MALRD1: variants seen among roughly 807,000 people sequenced by gnomAD.
The protein encoded by MALRD1 is MAM and LDL-receptor class A domain-containing protein 1.
In MALRD1, 247 loss-of-function variants were observed where a neutral mutation model predicts 242.1. That is an observed-to-expected ratio of 1.02 (90% confidence interval 0.92 to 1.13). MALRD1 has a LOEUF of 1.13. Among genes scored for constraint, MALRD1 ranks in the 50% most tolerant of loss-of-function variants. The pLI is 0.00. For synonymous variants in MALRD1, 995 were observed against 866.6 expected, an observed-to-expected ratio of 1.15 and a Z score of -2.60; for missense variants, 2,989 against 2,533.1, an observed-to-expected ratio of 1.18 and a Z score of -3.86.
At chr10:19,149,074 G>GTCCA (rs201885245) in intron 11 of MALRD1, among the ~76,000 whole-genome samples, 3 of 108,338 alleles carry the variant, frequency 2.8e-5, no homozygotes, top group Non-Finnish European at 5.9e-5. Flanking sequence ...CTGTCTATCT[G>GTCCA]TCCATCTATC....
intron 19 of MALRD1, among the ~76,000 whole-genome samples, chr10:19,272,356 G>T (rs762683012): frequency 2.0e-5 from 3 of 151,724 alleles, no homozygotes; most frequent in Admixed American, 1.3e-4. Context: ...ATAAATAAGA[G>T]GATTAGAGTG....
intron 21 of MALRD1, among the ~76,000 whole-genome samples, chr10:19,297,655 A>G (rs546467805): frequency 6.6e-6 from 1 of 151,958 alleles, no homozygotes; most frequent in Non-Finnish European, 1.5e-5. Context: ...TTAAAATGCA[A>G]TTTTATAGCT....
At chr10:19,620,036 T>C (rs543202048) in intron 36 of MALRD1, among the ~76,000 whole-genome samples, 4 of 146,058 alleles carry the variant, frequency 2.7e-5, no homozygotes, top group African/African-American at 8.1e-5. Context: ...AATAATAATA[T>C]ATTGTTTATA....
chr10:19,661,436 CGT>C (rs1252627443), intron 36 of MALRD1, among the ~76,000 whole-genome samples: 1 of 152,070 alleles, frequency 6.6e-6, no homozygotes, highest in African/African-American at 2.4e-5. Context: ...ACATATACAC[CGT>C]GGAATACTAT....
At chr10:19,247,582 A>G (rs1386190138) in intron 18 of MALRD1, among the ~76,000 whole-genome samples, 1 of 151,912 alleles carries the variant, frequency 6.6e-6, no homozygotes, top group African/African-American at 2.4e-5. Context: ...TGTCACATTT[A>G]ATGTTCAACA....
chr10:19,237,730 AATT>A (rs1838422601), intron 18 of MALRD1, among the ~76,000 whole-genome samples: 2 of 118,078 alleles, frequency 1.7e-5, no homozygotes, highest in South Asian at 4.7e-4. Flanking sequence ...ATAAATATAT[AATT>A]ATATATAATT....
intron 21 of MALRD1, among the ~76,000 whole-genome samples, chr10:19,316,320 G>A (rs1842706206): frequency 6.6e-6 from 1 of 151,732 alleles, no homozygotes; most frequent in South Asian, 2.1e-4. Context: ...ATTTTGGAAA[G>A]GACCAATAAA....
At chr10:19,492,659 C>T (rs59498073) in intron 30 of MALRD1, among the ~76,000 whole-genome samples, 6,266 of 152,220 alleles carry the variant, frequency 0.041, 155 homozygotes, top group South Asian at 0.088. Flanking sequence ...TCCCCCGATC[C>T]TCAGGAAAAA....
intron 26 of MALRD1, 70 bp from the exon 27 acceptor site, chr10:19,387,458 A>G (rs927809128): frequency 6.1e-6 from 9 of 1,473,400 alleles, no homozygotes; most frequent in African/African-American, 1.4e-5. Flanking sequence ...ATCCACTCTT[A>G]CTGCTTTTTG....
In MALRD1 at chr10:19,692,867, T is replaced by TTATATATATATATATATATATA. The variant is rs1254775928; in HGVS notation, c.6314+333_6314+334insTATATATATATATATATATATA. 7.3e-3 allele frequency among the ~76,000 whole-genome samples: 215 copies of TTATATATATATATATATATATA among 29,578 alleles called. 1 individual carries two copies. Among genetic ancestry groups the TTATATATATATATATATATATA allele is most frequent in the East Asian group, 0.028 (41 of 1,446 alleles). The allele number at this position is 29,578 out of a possible 152,430, so 19.4% of individuals were successfully genotyped here. A position where few individuals can be genotyped will look rare whatever the true frequency, so the allele number is the denominator to read the frequency against. Reference sequence around the variant, plus strand: ...ATATGAAATTTATATATAGATGAAATTATATATATATATATATATAATTTC... The same window carrying TTATATATATATATATATATATA: ...ATATGAAATTTATATATAGATGAAATTATATATATATATATATATATATATATATATATATATATATAATTTC... On this transcript the variant is annotated intron_variant, in intron 38 of 39. Coordinates refer to ENST00000454679, the MANE Select transcript of MALRD1 (RefSeq NM_001142308.3).
intron 14 of MALRD1, among the ~76,000 whole-genome samples, chr10:19,176,732 G>A (rs12240337): frequency 0.19 from 29,071 of 151,936 alleles, 3,063 homozygotes; most frequent in Admixed American, 0.27. Flanking sequence ...TGTGTATCCT[G>A]CATGCATAAT....
Position 19,665,714 on chromosome 10 carries a change from A to G in MALRD1, c.6138-26568A>G, listed in dbSNP as rs78985308. On this transcript the variant is annotated intron_variant, in intron 36 of 39. Transcript: ENST00000454679. ...TTAACTTCTCTATGCTTTTGCTCTC[A>G]AAGCCGTCAATTACCACTCAGGATT... is the stretch of plus-strand genomic sequence containing the variant. Among the ~76,000 whole-genome samples, 824 of 152,134 alleles carry G rather than the reference A, an allele frequency of 5.4e-3. 8 individuals are homozygous for G. The highest frequency in any genetic ancestry group is 0.019 in the African/African-American group (792 of 41,498).
intron 38 of MALRD1, among the ~76,000 whole-genome samples, chr10:19,701,677 C>A (rs892750847): frequency 6.0e-5 from 9 of 150,036 alleles, no homozygotes; most frequent in Non-Finnish European, 1.2e-4. Context: ...CCCTTCCCTT[C>A]CCTTTCCTCC....
intron 29 of MALRD1, among the ~76,000 whole-genome samples, chr10:19,469,934 C>T (rs1026823157): frequency 1.3e-5 from 2 of 152,014 alleles, no homozygotes; most frequent in African/African-American, 4.8e-5. Flanking sequence ...CTCCCATCCC[C>T]TTTATTGGAC....
At chr10:19,389,828 T>C (rs1433176452) in intron 28 of MALRD1, among the ~76,000 whole-genome samples, 1 of 152,142 alleles carries the variant, frequency 6.6e-6, no homozygotes, top group Non-Finnish European at 1.5e-5. Flanking sequence ...TTGTAGAGAA[T>C]AATTTTATAT....
intron 18 of MALRD1, 65 bp from the exon 19 acceptor site, chr10:19,257,619 A>G: frequency 4.9e-6 from 6 of 1,227,676 alleles, no homozygotes; most frequent in East Asian, 2.6e-5. Flanking sequence ...CATCCATTCC[A>G]TAACTTAATT....
chr10:19,060,461 C>G (rs1202197638), intron 1 of MALRD1, among the ~76,000 whole-genome samples: 2 of 152,124 alleles, frequency 1.3e-5, no homozygotes, highest in African/African-American at 4.8e-5. Context: ...TCCCTTCCCC[C>G]AATCTACCTC....
At chr10:19,418,546 T>C (rs1356429454) in intron 28 of MALRD1, among the ~76,000 whole-genome samples, 1 of 150,340 alleles carries the variant, frequency 6.7e-6, no homozygotes, top group African/African-American at 2.4e-5. Context: ...GTCTAAATTG[T>C]TTACAATAAC....
Position 19,238,458 on chromosome 10 carries a change from TATATA to T in MALRD1, c.2992-19215_2992-19211del, listed in dbSNP as rs1237439637. Among the ~76,000 whole-genome samples, 128 of 44,704 alleles carry T rather than the reference TATATA, an allele frequency of 2.9e-3. 12 individuals carry two copies. Among genetic ancestry groups the T allele is most frequent in the African/African-American group, 0.016 (122 of 7,656 alleles). 29.3% of individuals were successfully genotyped at this position (44,704 alleles called of 152,430 possible). ...AATATATAATATACATTATATATAA[TATATA>T]ATATAATATATAATATACATTATAT... On this transcript the variant is annotated intron_variant, in intron 18 of 39. Coordinates refer to ENST00000454679, the MANE Select transcript of MALRD1 (RefSeq NM_001142308.3).
Sources: allele counts gnomAD v4.1 joint callset (sites outside exome capture counted in the v4.1 genomes callset), GRCh38; gene constraint gnomAD v4.1.1; transcripts MANE v1.5; gene names NCBI Gene and HGNC (gene_info 2026-07-23, HGNC 2026-07-21).